Variants in CEP350 observed in about 807,000 individuals in gnomAD.
CEP350 encodes centrosome-associated protein 350.
A neutral mutation model predicts 331.8 loss-of-function variants in CEP350; 126 were observed. The ratio of observed to expected loss-of-function variants is 0.38; its 90% CI spans 0.33 to 0.44. The LOEUF (loss-of-function observed/expected upper bound fraction) is 0.44. CEP350 is among the 20% of genes least tolerant of loss of function. CEP350 has a pLI of 1.00. For synonymous variants in CEP350, 1,200 were observed against 1,259.5 expected (o/e 0.95, Z 1.00); for missense variants, 3,406 against 3,634.6 (o/e 0.94, Z 1.62).
Position 180,041,194 on chromosome 1 carries a change from AG to A in CEP350, c.4168del (p.Glu1390ArgfsTer9). 1 of 1,599,146 alleles carries A rather than the reference AG, an allele frequency of 6.3e-7. No homozygotes were observed. The highest frequency in any genetic ancestry group is 8.5e-7 in the Non-Finnish European group (1 of 1,172,666). On this transcript the variant is annotated frameshift_variant, in exon 18 of 38. Transcript: ENST00000367607. LOFTEE classifies it high-confidence loss of function. ...CCCTCTTGAAACTAAAGGCTGAACA[AG>A]AGGCTCTGGAGAGTCAGAGACAATT... ...LALLKLKAEQEALESQRQLEE... is the reference protein window; with the variant it reads ...LALLKLKAEQXALESQRQLEE...
intron 27 of CEP350, among the ~76,000 whole-genome samples, chr1:180,072,666 G>A (rs955549175): frequency 6.6e-6 from 1 of 152,164 alleles, no homozygotes; most frequent in Non-Finnish European, 1.5e-5. Context: ...GTATGTGTGT[G>A]TAAGTGAAGG....
chr1:180,106,920 A>G (rs2149192521), intron 37 of CEP350, among the ~76,000 whole-genome samples: 1 of 152,074 alleles, frequency 6.6e-6, no homozygotes, highest in South Asian at 2.1e-4. Context: ...GGACCCTATT[A>G]CAGAACCTTA....
chr1:180,041,198 G>A lies in CEP350; in HGVS notation c.4171G>A (p.Ala1391Thr), dbSNP rs1008711615. 6.9e-6 allele frequency: 11 copies of A among 1,598,156 alleles called. No individual in the cohort carries two copies. The highest frequency in any genetic ancestry group is 9.4e-6 in the Non-Finnish European group (11 of 1,172,330). Residue 1391 changes from alanine to threonine, a missense_variant, in exon 18 of 38, where the codon GCT becomes ACT. Ala to Thr is a moderately conservative substitution (Grantham distance 58). Transcript: ENST00000367607. ...CTTGAAACTAAAGGCTGAACAAGAGGCTCTGGAGAGTCAGAGACAATTAGA... is the reference window on the plus strand; with the variant it reads ...CTTGAAACTAAAGGCTGAACAAGAGACTCTGGAGAGTCAGAGACAATTAGA... The part of the protein sequence containing the change: ...ALLKLKAEQE[A>T]LESQRQLEET...
intron 17 of CEP350, among the ~76,000 whole-genome samples, chr1:180,039,208 C>T (rs2148908906): frequency 7.6e-6 from 1 of 131,236 alleles, no homozygotes; most frequent in South Asian, 2.6e-4. Flanking sequence ...TGCAGTAAGC[C>T]AAGATTGTGC....
chr1:180,041,936 C>G, intron 19 of CEP350, 134 bp downstream of exon 19: 4 of 753,976 alleles, frequency 5.3e-6, no homozygotes, highest in Non-Finnish European at 8.4e-6. Flanking sequence ...GGGGCCATAC[C>G]CTATTGAAAT....
chr1:180,011,569 GT>G (rs1478812917), intron 8 of CEP350, among the ~76,000 whole-genome samples: 1 of 152,058 alleles, frequency 6.6e-6, no homozygotes, highest in African/African-American at 2.4e-5. Context: ...AGCCTCCTTA[GT>G]AGCTGGGATT....
intron 25 of CEP350, among the ~76,000 whole-genome samples, chr1:180,054,929 G>T (rs1043204614): frequency 3.3e-5 from 5 of 152,090 alleles, no homozygotes; most frequent in Admixed American, 2.0e-4. Flanking sequence ...TTGAATTCTG[G>T]AGAGGCAGCA....
In CEP350 at chr1:180,075,108, A is replaced by G; in HGVS notation, c.5654A>G (p.Glu1885Gly). The G allele has an allele frequency of 6.2e-7, 1 of 1,613,724 alleles. No homozygotes were observed. Among genetic ancestry groups the G allele is most frequent in the Non-Finnish European group, 8.5e-7 (1 of 1,179,784 alleles). Residue 1885 changes from glutamate (E) to glycine (G), a missense_variant, in exon 28 of 38, where the codon GAA becomes GGA. Around this residue, in one of 5 missense-constraint regions of CEP350, gnomAD observed 1,415 missense variants for 1,512.3 expected, o/e 0.94. Transcript: ENST00000367607. ...LLEWKRRLDA[E>G]EAEIRQMEKQ... The stretch of plus-strand genomic sequence containing the variant: ...GAGTGGAAGCGACGTTTAGATGCAG[A>G]AGAAGCAGAAATTCGTCAAATGGAA...
intron 28 of CEP350, among the ~76,000 whole-genome samples, chr1:180,077,565 G>A (rs890062996): frequency 6.6e-6 from 1 of 151,286 alleles, no homozygotes; most frequent in Non-Finnish European, 1.5e-5. Context: ...TACTTAGGGG[G>A]CAGAGGCAGG....
intron 6 of CEP350, among the ~76,000 whole-genome samples, chr1:180,002,045 T>C (rs1481133354): frequency 6.6e-6 from 1 of 152,178 alleles, no homozygotes; most frequent in Non-Finnish European, 1.5e-5. Flanking sequence ...TAGGGGAGTA[T>C]GAATCAAAAC....
Position 179,990,570 on chromosome 1 carries a change from A to T in CEP350, c.184A>T (p.Met62Leu). ...PTSTAVCDSV[M>L]DTKKSSTSAT... is the part of the protein sequence containing the mutation. ...AAGTACAGCTGTGTGTGATTCTGTCATGGATACCAAGAAGTCTTCTACAAG... is the reference window on the plus strand; with the variant it reads ...AAGTACAGCTGTGTGTGATTCTGTCTTGGATACCAAGAAGTCTTCTACAAG... The change falls in exon 4 of 38, where the codon ATG becomes TTG. Residue 62 changes from methionine (M) to leucine (L), a missense_variant. Physicochemically the swap from Met to Leu is conservative, Grantham distance 15. Around this residue, in one of 5 missense-constraint regions of CEP350, gnomAD observed 1,857 missense variants for 1,909.2 expected, o/e 0.97. Coordinates refer to ENST00000367607, the MANE Select transcript of CEP350 (RefSeq NM_014810.5). The T allele has an allele frequency of 6.2e-7, 1 of 1,606,440 alleles. No homozygotes were observed. The highest frequency in any genetic ancestry group is 8.5e-7 in the Non-Finnish European group (1 of 1,175,948).
At position 180,075,221 on chromosome 1, in the gene CEP350, G is replaced by A; in HGVS notation, c.5767G>A (p.Glu1923Lys). The change falls in exon 28 of 38, where the codon GAA becomes AAA. Residue 1923 changes from glutamate to lysine, a missense_variant and splice_region_variant. By Grantham distance (56) the Glu-to-Lys change is moderately conservative (BLOSUM62 1). This residue lies in a region of CEP350 where 1,415 missense variants were observed against 1,512.3 expected (regional missense o/e 0.94). Transcript: ENST00000367607. ...ELEDQRTEQK[E>K]IASEEESPVP... ...GGAGGACCAGAGAACAGAACAGAAA[G>A]GTAATAAATACTAACTCTGTTCACA... 2 of 1,604,600 alleles carry A rather than the reference G, an allele frequency of 1.2e-6. No individual in the cohort carries two copies. The highest frequency in any genetic ancestry group is 1.7e-6 in the Non-Finnish European group (2 of 1,174,962).
chr1:180,102,077 G>A (rs1330324813), intron 37 of CEP350, among the ~76,000 whole-genome samples: 4 of 152,072 alleles, frequency 2.6e-5, no homozygotes, highest in Non-Finnish European at 4.4e-5. Flanking sequence ...CAGAAAGGTA[G>A]GGGAACATTA....
At chr1:179,986,907 T>C (rs999103995) in intron 2 of CEP350, among the ~76,000 whole-genome samples, 3 of 152,224 alleles carry the variant, frequency 2.0e-5, no homozygotes, top group Non-Finnish European at 4.4e-5. Context: ...CAGTACAATA[T>C]AAAATTTTAT....
chr1:179,964,477 G>A (rs545764719), intron 1 of CEP350, among the ~76,000 whole-genome samples: 263 of 152,028 alleles, frequency 1.7e-3, no homozygotes, highest in Non-Finnish European at 9.0e-4. Flanking sequence ...TTGTTTGTCT[G>A]GTATAATTTG....
Position 180,092,862 on chromosome 1 carries a change from A to G in CEP350, c.6757A>G (p.Ser2253Gly), listed in dbSNP as rs1260118627. The part of the protein sequence containing the change: ...DMSDGKVGES[S>G]KKSEIKEIEY... ...GTCAGATGGCAAGGTTGGAGAATCT[A>G]GTAAAAAATCAGAAATAAAAGAAAT... The change falls in exon 34 of 38, where the codon AGT becomes GGT. Residue 2253 changes from serine (S) to glycine (G), a missense_variant. Transcript: ENST00000367607. 2 of 1,567,496 alleles carry G rather than the reference A, an allele frequency of 1.3e-6. No homozygotes were observed. The highest frequency in any genetic ancestry group is 2.3e-5 in the East Asian group (1 of 42,736).
chr1:180,020,630 T>G lies in CEP350; in HGVS notation c.2856T>G (p.Cys952Trp). ...PKPEGLLAQL[C>W]KRQTDSSSSD... ...CAGAAGGGCTACTGGCACAGTTATG[T>G]AAAAGGCAGACTGACTCTTCTAGCT... is the stretch of plus-strand genomic sequence containing the variant. Residue 952 changes from cysteine to tryptophan, a missense_variant, in exon 12 of 38, where the codon TGT (cysteine) becomes TGG (tryptophan). Physicochemically the swap from Cys to Trp is radical, Grantham distance 215 (BLOSUM62 -2). Transcript: ENST00000367607. 6 of 1,613,960 alleles carry G rather than the reference T, an allele frequency of 3.7e-6. No individual in the cohort carries two copies. Among genetic ancestry groups the G allele is most frequent in the Non-Finnish European group, 5.1e-6 (6 of 1,179,884 alleles).
At chr1:179,991,870 T>C (rs1037049902) in intron 4 of CEP350, among the ~76,000 whole-genome samples, 192 bp from the exon 5 acceptor site, 1 of 151,946 alleles carries the variant, frequency 6.6e-6, no homozygotes, top group South Asian at 2.1e-4. Context: ...ATCAATGGAG[T>C]TACTTTAACA....
chr1:180,076,462 T>G (rs1364512424), intron 28 of CEP350, among the ~76,000 whole-genome samples: 1 of 152,100 alleles, frequency 6.6e-6, no homozygotes, highest in Admixed American at 6.6e-5. Context: ...GGAGAAAAAT[T>G]GATCATCTCA....
Sources: gnomAD v4.1 joint callset for allele counts (sites outside exome capture counted in the v4.1 genomes callset) on GRCh38, gnomAD v4.1.1 for gene constraint, gnomAD v4.1.1 regional missense constraint, MANE v1.5 for transcripts, NCBI Gene and HGNC (gene_info 2026-07-23, HGNC 2026-07-21) for gene names.